ZNF236: variants seen among roughly 807,000 people sequenced by gnomAD.
ZNF236 encodes regulated by glucose.
Under a neutral mutation model 191.2 loss-of-function variants are expected in ZNF236, and 50 were observed. The ratio of observed to expected loss-of-function variants is 0.26; its 90% CI spans 0.21 to 0.33. ZNF236 has a LOEUF of 0.33. ZNF236 is among the 10% of genes least tolerant of loss of function. The pLI, the probability that ZNF236 is intolerant of heterozygous loss-of-function variation, is 1.00. For missense variants in ZNF236, 1,754 were observed against 2,374.5 expected (o/e 0.74, Z 5.43); for synonymous variants, 907 against 928.8 (o/e 0.98, Z 0.43).
chr18:76,938,180 A>G (rs540159864), intron 26 of ZNF236, among the ~76,000 whole-genome samples: 1 of 152,090 alleles, frequency 6.6e-6, no homozygotes, highest in African/African-American at 2.4e-5. Context: ...GCTTGAGTGC[A>G]GGAGTTTGAG....
intron 1 of ZNF236, among the ~76,000 whole-genome samples, chr18:76,826,266 C>CT (rs1975016320): frequency 6.6e-6 from 1 of 151,192 alleles, no homozygotes; most frequent in Non-Finnish European, 1.5e-5. Flanking sequence ...CGTGAGCCAC[C>CT]ATGGCTAGCT....
At chr18:76,866,508 G>C (rs930290488) in intron 3 of ZNF236, among the ~76,000 whole-genome samples, 1 of 152,200 alleles carries the variant, frequency 6.6e-6, no homozygotes, top group Non-Finnish European at 1.5e-5. Flanking sequence ...TCCGAGGGCC[G>C]GGGTTGGACA....
intron 3 of ZNF236, among the ~76,000 whole-genome samples, chr18:76,855,757 C>T (rs1392205263): frequency 1.4e-5 from 2 of 146,510 alleles, no homozygotes; most frequent in African/African-American, 2.5e-5. Context: ...TGGGGCTGGG[C>T]GTGGGTGGGG....
rs1976499690 is a variant in ZNF236 at position 76,868,821 on chromosome 18, C to T, written c.500C>T (p.Ser167Phe). The stretch of plus-strand genomic sequence containing the variant: ...GCCTGCAAGAAAGAGTTCGAGACCT[C>T]CTCGGAGCTGAAGGAACACATGAAG... ...CKACKKEFET[S>F]SELKEHMKTH... The change falls in exon 4 of 31, where the codon TCC becomes TTC. Residue 167 changes from serine (S) to phenylalanine (F), a missense_variant. Physicochemically the swap from Ser to Phe is radical, Grantham distance 155. Coordinates refer to ENST00000320610, the MANE Select transcript of ZNF236 (RefSeq NM_001306089.2). The T allele has an allele frequency of 2.5e-6, 4 of 1,613,414 alleles. No individual in the cohort carries two copies. The South Asian group carries it at 3.3e-5, about 13-fold the overall frequency.
chr18:76,895,263 G>C lies in ZNF236; in HGVS notation c.1668G>C (p.Lys556Asn). The change falls in exon 10 of 31, where the codon AAG becomes AAC. Residue 556 changes from lysine (K) to asparagine (N), a missense_variant. Lys to Asn is a moderately conservative substitution (Grantham distance 94, BLOSUM62 0). Coordinates refer to ENST00000320610, the MANE Select transcript of ZNF236 (RefSeq NM_001306089.2). ...GCTTCTCCACCTCTGGCAGCCTCAA[G>C]GTGCACATTCGCCTGCACACAGGTA... ...MKSFSTSGSL[K>N]VHIRLHTGVR... The C allele has an allele frequency of 6.3e-7, 1 of 1,599,628 alleles. No individual in the cohort carries two copies. Among genetic ancestry groups the C allele is most frequent in the Non-Finnish European group, 8.5e-7 (1 of 1,179,908 alleles).
At chr18:76,931,385 C>T (rs1289549674) in intron 25 of ZNF236, among the ~76,000 whole-genome samples, 2 of 152,210 alleles carry the variant, frequency 1.3e-5, no homozygotes, top group African/African-American at 4.8e-5. Flanking sequence ...GGATTACTGG[C>T]TTATGTCTAA....
chr18:76,909,318 C>CA (rs34878586), intron 14 of ZNF236, among the ~76,000 whole-genome samples: 104,111 of 119,456 alleles, frequency 0.87, 45,782 homozygotes, highest in Middle Eastern at 0.94. Context: ...GACTCTGTCT[C>CA]AAAAAAAAAA....
intron 9 of ZNF236, among the ~76,000 whole-genome samples, chr18:76,893,068 T>C (rs1276006334): frequency 6.6e-6 from 1 of 152,260 alleles, no homozygotes; most frequent in Non-Finnish European, 1.5e-5. Context: ...GTAGTCTCTG[T>C]TCTAGTCTAT....
At chr18:76,878,345 CTG>C (rs1976775557) in intron 7 of ZNF236, among the ~76,000 whole-genome samples, 193 bp downstream of exon 7, 1 of 152,166 alleles carries the variant, frequency 6.6e-6, no homozygotes, top group Non-Finnish European at 1.5e-5. Context: ...CTGATTCAGA[CTG>C]TCATCTGAAC....
chr18:76,932,567 G>A (rs1335717408), intron 25 of ZNF236, among the ~76,000 whole-genome samples: 17 of 152,178 alleles, frequency 1.1e-4, no homozygotes, highest in Admixed American at 1.0e-3. Flanking sequence ...TGTGTGGGCC[G>A]AAGCGAGTGG....
At chr18:76,922,560 CTTT>C (rs112571512) in intron 20 of ZNF236, among the ~76,000 whole-genome samples, 3 of 143,216 alleles carry the variant, frequency 2.1e-5, no homozygotes, top group Non-Finnish European at 3.1e-5. Context: ...AGGAAATTGT[CTTT>C]TTTTTTTTTT....
At chr18:76,826,196 C>T (rs1975013545) in intron 1 of ZNF236, among the ~76,000 whole-genome samples, 1 of 151,770 alleles carries the variant, frequency 6.6e-6, no homozygotes, top group Non-Finnish European at 1.5e-5. Flanking sequence ...ACTGCAACCT[C>T]CGCCTCCCGG....
chr18:76,910,095 T>C lies in ZNF236; in HGVS notation c.2579T>C (p.Leu860Pro), dbSNP rs774223258. 1.2e-6 allele frequency: 2 copies of C among 1,613,284 alleles called. No individual in the cohort carries two copies. The highest frequency in any genetic ancestry group is 1.7e-6 in the Non-Finnish European group (2 of 1,179,324). Reference sequence around the variant, plus strand: ...GGGTTTGTGGCTCCACAGGACCCTCTGCGAGGGCACGTAGACCAGTTTGAA... The same window carrying C: ...GGGTTTGTGGCTCCACAGGACCCTCCGCGAGGGCACGTAGACCAGTTTGAA... ...EDGFVAPQDP[L>P]RGHVDQFEEQ... The change falls in exon 15 of 31, where the codon CTG becomes CCG. Residue 860 changes from leucine to proline, a missense_variant. Around this residue, in one of 5 missense-constraint regions of ZNF236, gnomAD observed 641 missense variants for 869.6 expected, o/e 0.74. Coordinates refer to ENST00000320610, the MANE Select transcript of ZNF236 (RefSeq NM_001306089.2).
chr18:76,879,537 C>T (rs1045074104), intron 7 of ZNF236, among the ~76,000 whole-genome samples: 9 of 152,200 alleles, frequency 5.9e-5, no homozygotes, highest in African/African-American at 2.2e-4. Flanking sequence ...TCCACACCCT[C>T]ACAGTGTCGT....
intron 25 of ZNF236, among the ~76,000 whole-genome samples, chr18:76,932,166 G>T (rs2122860336): frequency 6.6e-6 from 1 of 152,286 alleles, no homozygotes; most frequent in East Asian, 1.9e-4. Flanking sequence ...ATATATAAAG[G>T]AGAGGTGATG....
chr18:76,899,306 T>C (rs1328119853), intron 11 of ZNF236, 84 bp downstream of exon 11: 10 of 1,210,654 alleles, frequency 8.3e-6, no homozygotes, highest in Non-Finnish European at 1.0e-5. Context: ...CACATTATGG[T>C]CTCTGTAGTT....
chr18:76,872,115 G>T (rs1367446491), intron 5 of ZNF236, among the ~76,000 whole-genome samples: 1 of 152,186 alleles, frequency 6.6e-6, no homozygotes, highest in Non-Finnish European at 1.5e-5. Flanking sequence ...TGTTATTACT[G>T]TTATTGGTAT....
Position 76,925,428 on chromosome 18 carries a change from C to G in ZNF236, c.3901C>G (p.Leu1301Val), listed in dbSNP as rs1222503935. 1.2e-6 allele frequency: 2 copies of G among 1,614,104 alleles called. No homozygotes were observed. Among genetic ancestry groups the G allele is most frequent in the Non-Finnish European group, 1.7e-6 (2 of 1,180,058 alleles). ...GGAAGGACTGCAGCCTGTAAACCTCCTCAACTCCTCCTCTACTGACCCAAA... is the reference window on the plus strand; with the variant it reads ...GGAAGGACTGCAGCCTGTAAACCTCGTCAACTCCTCCTCTACTGACCCAAA... ...SSEGLQPVNL[L>V]NSSSTDPNVF... Residue 1301 changes from leucine (L) to valine (V), a missense_variant, in exon 22 of 31, where the codon CTC becomes GTC. Coordinates refer to ENST00000320610, the MANE Select transcript of ZNF236 (RefSeq NM_001306089.2). This position sits in a 1 kb window ranked among gnomAD's most constrained non-coding sequence, Gnocchi z 5.7.
chr18:76,943,812 G>A (rs890630965), intron 26 of ZNF236, among the ~76,000 whole-genome samples: 13 of 152,066 alleles, frequency 8.5e-5, no homozygotes, highest in African/African-American at 2.2e-4. Context: ...TCTACAAGTC[G>A]TTCATATTTA....
Sources: allele counts gnomAD v4.1 joint callset (sites outside exome capture counted in the v4.1 genomes callset), GRCh38; gene constraint gnomAD v4.1.1; regional missense constraint gnomAD v4.1.1; non-coding constraint Gnocchi (gnomAD v3.1); transcripts MANE v1.5; gene names NCBI Gene and HGNC (gene_info 2026-07-23, HGNC 2026-07-21).